Variants in NOP9 observed in about 807,000 individuals in gnomAD.
NOP9 encodes the protein nucleolar protein 9.
Under a neutral mutation model 63.0 loss-of-function variants are expected in NOP9, and 50 were observed. The observed-to-expected ratio is 0.79, with a 90% CI of 0.63 to 1.00. NOP9 has a LOEUF of 1.00. NOP9 is among the 50% of genes least tolerant of loss of function. The pLI is 0.00. For missense variants in NOP9, 758 were observed against 803.0 expected (o/e 0.94, Z 0.68); for synonymous variants, 343 against 332.8 (o/e 1.03, Z -0.33).
At chr14:24,281,550 G>C in the NOP9 span, among the ~76,000 whole-genome samples, 6 of 152,330 alleles carry the variant, frequency 3.9e-5, no homozygotes, top group East Asian at 7.7e-4. Flanking sequence ...AATGGATGAA[G>C]ACATCTATGG....
chr14:24,291,235 C>G, the NOP9 span: 2 of 1,613,840 alleles, frequency 1.2e-6, no homozygotes. Context: ...GGCACACAGA[C>G]AGGTGGAGAT....
the NOP9 span, among the ~76,000 whole-genome samples, chr14:24,281,425 C>A: frequency 6.6e-6 from 1 of 152,180 alleles, no homozygotes; most frequent in South Asian, 2.1e-4. Context: ...CTGTGCAGTT[C>A]TGTGCTGAAG....
the NOP9 span, chr14:24,290,636 T>G: frequency 3.9e-6 from 2 of 510,594 alleles, no homozygotes; most frequent in Non-Finnish European, 6.9e-6. Flanking sequence ...TCCAAGAGCA[T>G]TTTTCAATAC....
At chr14:24,293,614 A>G in the NOP9 span, 1 of 152,136 alleles carries the variant, frequency 6.6e-6, no homozygotes, top group African/African-American at 2.4e-5. Flanking sequence ...CAGCCAGGAA[A>G]ATTCCGAAAA....
chr14:24,292,415 C>T, the NOP9 span: 6 of 1,572,394 alleles, frequency 3.8e-6, no homozygotes, highest in Middle Eastern at 2.1e-4. Context: ...TGTGAATGCT[C>T]CACCCACCCT....
chr14:24,273,784 G>C, the NOP9 span, among the ~76,000 whole-genome samples: 2 of 152,180 alleles, frequency 1.3e-5, no homozygotes, highest in Admixed American at 1.3e-4. Context: ...CAGACTGCCT[G>C]GCTACAAATC....
chr14:24,290,779 G>A, the NOP9 span: 5 of 1,559,332 alleles, frequency 3.2e-6, no homozygotes, highest in African/African-American at 6.8e-5. Context: ...AACAAGAAAG[G>A]CTGCTGTTTC....
intron 9 of NOP9, 74 bp downstream of exon 9, chr14:24,304,672 A>G (rs1172945018): frequency 3.3e-6 from 4 of 1,222,364 alleles, no homozygotes; most frequent in Admixed American, 2.6e-5. Flanking sequence ...GTAGCTGGGA[A>G]GTCTACTGAA....
At chr14:24,296,945 C>G, upstream of NOP9, 1 of 1,606,430 alleles carries the variant, frequency 6.2e-7, no homozygotes, top group Non-Finnish European at 8.5e-7. Context: ...ACAAAACTCC[C>G]CAACCAAAGT....
chr14:24,290,756 A>C, the NOP9 span: 1 of 1,461,664 alleles, frequency 6.8e-7, no homozygotes, highest in East Asian at 2.3e-5. Flanking sequence ...TCTTCATATC[A>C]AGGGTATGGG....
chr14:24,304,720 A>C, intron 9 of NOP9, 122 bp downstream of exon 9: 1 of 942,224 alleles, frequency 1.1e-6, no homozygotes, highest in East Asian at 2.6e-5. Context: ...GGTCTTGCTC[A>C]TGGGTTCTTA....
At chr14:24,290,898 C>T in the NOP9 span, 1 of 1,613,880 alleles carries the variant, frequency 6.2e-7, no homozygotes, top group Non-Finnish European at 8.5e-7. Flanking sequence ...TCCACTTGGG[C>T]ACACGGAGGA....
chr14:24,274,641 C>T, the NOP9 span, among the ~76,000 whole-genome samples: 1 of 147,942 alleles, frequency 6.8e-6, no homozygotes, highest in Non-Finnish European at 1.5e-5. Flanking sequence ...GACGGAGTCT[C>T]GTTCTGTCAC....
At chr14:24,284,341 C>T in the NOP9 span, among the ~76,000 whole-genome samples, 139 of 152,300 alleles carry the variant, frequency 9.1e-4, 3 homozygotes, top group South Asian at 0.026. Context: ...TGCCTGTACC[C>T]GTCCACCCTG....
chr14:24,295,863 G>A (rs1044777670), upstream of NOP9, among the ~76,000 whole-genome samples: 1 of 152,180 alleles, frequency 6.6e-6, no homozygotes, highest in African/African-American at 2.4e-5. Flanking sequence ...CGATAATCTC[G>A]TGGTTACTCC....
At chr14:24,275,124 C>T in the NOP9 span, among the ~76,000 whole-genome samples, 7 of 150,598 alleles carry the variant, frequency 4.6e-5, no homozygotes, top group African/African-American at 1.7e-4. Context: ...GTTGGTCAGG[C>T]TGGTCTTGAA....
the NOP9 span, among the ~76,000 whole-genome samples, chr14:24,282,706 TCCTC>T: frequency 2.0e-5 from 3 of 152,136 alleles, no homozygotes; most frequent in Non-Finnish European, 2.9e-5. Context: ...CGGGCCCACT[TCCTC>T]CCTTTGCCTA....
chr14:24,291,043 C>T, the NOP9 span: 2 of 1,613,484 alleles, frequency 1.2e-6, no homozygotes, highest in Non-Finnish European at 1.7e-6. Context: ...TCCCACTCCT[C>T]AGATACCCTC....
At chr14:24,276,836 G>A in the NOP9 span, among the ~76,000 whole-genome samples, 22 of 152,346 alleles carry the variant, frequency 1.4e-4, no homozygotes, top group Non-Finnish European at 2.9e-4. Flanking sequence ...GAGGCATAAT[G>A]TATTATACTG....
Sources: gnomAD v4.1 joint callset for allele counts (sites outside exome capture counted in the v4.1 genomes callset) on GRCh38, gnomAD v4.1.1 for gene constraint, MANE v1.5 for transcripts, NCBI Gene and HGNC (gene_info 2026-07-23, HGNC 2026-07-21) for gene names.